The following ELP1 variants were observed in gnomAD, a reference collection of about 807,000 sequenced individuals.
ELP1 encodes elongator acetyltransferase complex subunit 1.
Under a neutral mutation model 183.2 loss-of-function variants are expected in ELP1, and 131 were observed. The ratio of observed to expected loss-of-function variants is 0.72; its 90% CI spans 0.62 to 0.83. The LOEUF is 0.83. Ranked by LOEUF, ELP1 falls within the 40% of genes least tolerant of loss-of-function variation. The probability of loss-of-function intolerance (pLI) is 0.00; values close to 1 mark genes in which losing one functional copy is unlikely to be tolerated. For synonymous variants in ELP1, 555 were observed against 569.0 expected (o/e 0.98, Z 0.35); for missense variants, 1,550 against 1,594.9 (o/e 0.97, Z 0.48).
intron 36 of ELP1, among the ~76,000 whole-genome samples, chr9:108,869,570 T>A (rs1256979083): frequency 6.6e-6 from 1 of 152,150 alleles, no homozygotes; most frequent in South Asian, 2.1e-4. Context: ...TTTTAAGGAA[T>A]AGCAAAATGT....
chr9:108,913,032 T>C (rs1052415128), intron 10 of ELP1, among the ~76,000 whole-genome samples: 22 of 152,092 alleles, frequency 1.4e-4, no homozygotes, highest in Admixed American at 2.6e-4. Flanking sequence ...AGTGCTGAGA[T>C]TACAGGCCTG....
At chr9:108,869,975 CTTTTT>C (rs556132203) in intron 36 of ELP1, among the ~76,000 whole-genome samples, 3 of 149,656 alleles carry the variant, frequency 2.0e-5, no homozygotes, top group Non-Finnish European at 4.5e-5. Flanking sequence ...CTGCATATAC[CTTTTT>C]TTTTTCTTTT....
intron 1 of ELP1, among the ~76,000 whole-genome samples, chr9:108,932,332 C>T (rs187406242): frequency 2.0e-5 from 3 of 152,220 alleles, no homozygotes; most frequent in Admixed American, 2.0e-4. Context: ...GAACCTCTAA[C>T]ATATCATGCA....
intron 34 of ELP1, among the ~76,000 whole-genome samples, chr9:108,878,370 C>T (rs1463695253): frequency 1.3e-5 from 2 of 152,196 alleles, no homozygotes; most frequent in African/African-American, 4.8e-5. Context: ...CAGTGTCCCA[C>T]AATTCTTTAT....
At position 108,905,163 on chromosome 9, in the gene ELP1, T is replaced by C. The variant is rs78673297; in HGVS notation, c.1643+1140A>G. On this transcript the variant is annotated intron_variant, in intron 14 of 36. Transcript: ENST00000374647. Reference sequence around the variant, plus strand: ...TCACGAAAGACTATGAGTCAAAGAGTAGCAGCAAATGACTGCATTAAAATG... The same window carrying C: ...TCACGAAAGACTATGAGTCAAAGAGCAGCAGCAAATGACTGCATTAAAATG... Among the ~76,000 whole-genome samples the C allele has an allele frequency of 9.9e-3, 1,509 of 152,228 alleles. 15 individuals carry two copies. Among genetic ancestry groups the C allele is most frequent in the Non-Finnish European group, 0.014 (927 of 68,012 alleles).
intron 3 of ELP1, among the ~76,000 whole-genome samples, chr9:108,928,934 C>T (rs1428009960): frequency 6.6e-6 from 1 of 152,118 alleles, no homozygotes; most frequent in Non-Finnish European, 1.5e-5. Context: ...TACTGTGTGA[C>T]CCTGGTCTAA....
chr9:108,898,761 CAG>C lies in ELP1; in HGVS notation c.2205-14_2205-13del. 6.3e-7 allele frequency: 1 copy of C among 1,587,018 alleles called. No homozygotes were observed. Among genetic ancestry groups the C allele is most frequent in the Non-Finnish European group, 8.6e-7 (1 of 1,157,252 alleles). On this transcript the variant is annotated splice_polypyrimidine_tract_variant and intron_variant, in intron 20 of 36. Transcript: ENST00000374647. ...CTTTAAACATAAGTCTGTGAGAAGA[CAG>C]AGAAAGAATAGAAAAGATATTCACA...
At chr9:108,930,439 C>T (rs961960868) in intron 2 of ELP1, among the ~76,000 whole-genome samples, 1 of 152,142 alleles carries the variant, frequency 6.6e-6, no homozygotes, top group Non-Finnish European at 1.5e-5. Context: ...AATTAAAAAC[C>T]ACTCTTGGCC....
chr9:108,879,878 C>T (rs967019230), intron 32 of ELP1, among the ~76,000 whole-genome samples, 174 bp downstream of exon 32: 1 of 152,202 alleles, frequency 6.6e-6, no homozygotes, highest in Non-Finnish European at 1.5e-5. Context: ...TCCTGCCCTT[C>T]ACCAACACAC....
At chr9:108,914,579 A>G (rs929997860) in intron 10 of ELP1, among the ~76,000 whole-genome samples, 1 of 152,234 alleles carries the variant, frequency 6.6e-6, no homozygotes, top group African/African-American at 2.4e-5. Flanking sequence ...AGAATAAACG[A>G]GTATTATACA....
chr9:108,898,238 G>A (rs887220048), intron 22 of ELP1, among the ~76,000 whole-genome samples: 1 of 152,048 alleles, frequency 6.6e-6, no homozygotes, highest in Non-Finnish European at 1.5e-5. Context: ...CAGTCTCCTA[G>A]GAAAAACAAG....
rs886856459 is a variant in ELP1 at position 108,868,687 on chromosome 9, A to T, written c.*428T>A. 8.3e-6 allele frequency: 4 copies of T among 480,174 alleles called. No homozygotes were observed. The East Asian group carries it at 1.2e-4, about 15-fold the overall frequency. 29.7% of individuals were successfully genotyped at this position (480,174 alleles called of 1,614,324 possible). On this transcript the variant is annotated 3_prime_UTR_variant, in exon 37 of 37. Coordinates refer to ENST00000374647, the MANE Select transcript of ELP1 (RefSeq NM_003640.5). Reference sequence around the variant, plus strand: ...CTTTAGTTTAAGGTGACAAGAAGCTATTTAAGTGATTACATTTGACCAAAT... The same window carrying T: ...CTTTAGTTTAAGGTGACAAGAAGCTTTTTAAGTGATTACATTTGACCAAAT...
At chr9:108,876,220 T>A (rs1292881536) in intron 35 of ELP1, among the ~76,000 whole-genome samples, 1 of 152,054 alleles carries the variant, frequency 6.6e-6, no homozygotes, top group Non-Finnish European at 1.5e-5. Context: ...GATGCTGCAG[T>A]GAGCGGTGAT....
intron 36 of ELP1, among the ~76,000 whole-genome samples, chr9:108,869,439 G>A (rs944884011): frequency 6.6e-6 from 1 of 152,140 alleles, no homozygotes; most frequent in African/African-American, 2.4e-5. Context: ...AGAATGTTCT[G>A]TATTTCAAAC....
At chr9:108,900,417 A>C in intron 18 of ELP1, 42 bp from the exon 19 acceptor site, 4 of 1,389,018 alleles carry the variant, frequency 2.9e-6, no homozygotes, top group South Asian at 1.2e-5. Flanking sequence ...TATCACAACA[A>C]GCCACTCTCC....
intron 5 of ELP1, among the ~76,000 whole-genome samples, chr9:108,925,304 T>C (rs10979613): frequency 0.36 from 54,330 of 152,102 alleles, 9,998 homozygotes; most frequent in Admixed American, 0.45. Context: ...TCAAATCTGT[T>C]CCATTTATTT....
intron 33 of ELP1, among the ~76,000 whole-genome samples, 161 bp from the exon 34 acceptor site, chr9:108,878,911 A>G (rs1026019497): frequency 6.6e-6 from 1 of 152,164 alleles, no homozygotes; most frequent in Non-Finnish European, 1.5e-5. Flanking sequence ...TGAATATATA[A>G]TCTTGCATTG....
chr9:108,914,662 C>T (rs1232844577), intron 10 of ELP1, among the ~76,000 whole-genome samples: 1 of 152,074 alleles, frequency 6.6e-6, no homozygotes, highest in Non-Finnish European at 1.5e-5. Flanking sequence ...CTCACTCTGT[C>T]GCCAAGGCTG....
intron 4 of ELP1, 95 bp downstream of exon 4, chr9:108,927,277 T>A: frequency 1.0e-6 from 1 of 970,384 alleles, no homozygotes; most frequent in Non-Finnish European, 1.7e-6. Context: ...TCAAAGAAAT[T>A]TTTTGAAATT....
Sources: allele counts gnomAD v4.1 joint callset (sites outside exome capture counted in the v4.1 genomes callset), GRCh38; gene constraint gnomAD v4.1.1; transcripts MANE v1.5; gene names NCBI Gene and HGNC (gene_info 2026-07-23, HGNC 2026-07-21).